Variants in ADAMTS9 observed in about 807,000 individuals in gnomAD.
ADAMTS9 encodes the protein ADAM metallopeptidase with thrombospondin type 1 motif 9.
A neutral mutation model predicts 257.1 loss-of-function variants in ADAMTS9; 107 were observed. The ratio of observed to expected loss-of-function variants is 0.42; its 90% confidence interval spans 0.36 to 0.49. The LOEUF is 0.49. Among genes scored for constraint, ADAMTS9 ranks in the 20% least tolerant of loss-of-function variants. ADAMTS9 has a pLI of 0.03. For synonymous variants in ADAMTS9, 982 were observed against 880.9 expected (o/e 1.11, Z -2.03); for missense variants, 2,353 against 2,469.1 (o/e 0.95, Z 1.00).
intron 38 of ADAMTS9, among the ~76,000 whole-genome samples, chr3:64,528,721 T>G (rs558328374): frequency 1.3e-5 from 2 of 152,350 alleles, no homozygotes; most frequent in South Asian, 4.1e-4. Flanking sequence ...CGTTATAACA[T>G]TAATAGCCAG....
rs1701048900 is a variant in ADAMTS9, at chr3:64,655,612, C to T, written c.1133G>A (p.Gly378Asp). 1.2e-6 allele frequency: 2 copies of T among 1,614,072 alleles called. No homozygotes were observed. Among genetic ancestry groups the T allele is most frequent in the Non-Finnish European group, 1.7e-6 (2 of 1,179,992 alleles). Residue 378 changes from glycine (G) to aspartate (D), a missense_variant, in exon 6 of 40, where the codon GGT (glycine) becomes GAT (aspartate). Around this residue, in one of 3 missense-constraint regions of ADAMTS9, gnomAD observed 591 missense variants for 569.6 expected, o/e 1.04. Coordinates refer to ENST00000498707, the MANE Select transcript of ADAMTS9 (RefSeq NM_182920.2). ...CQWQHSKNSP[G>D]GIHHDTAVLL... is the part of the protein sequence containing the mutation. ...AACAGCAGTATCATGATGGATTCCA[C>T]CTGGACTGTTCTTCGAATGCTGCCA...
intron 23 of ADAMTS9, among the ~76,000 whole-genome samples, chr3:64,606,058 G>GATGAA (rs1261733856): frequency 6.6e-6 from 1 of 152,162 alleles, no homozygotes; most frequent in Admixed American, 6.5e-5. Flanking sequence ...TTAAGGGTAG[G>GATGAA]ATGAAAGTGG....
At position 64,522,158 on chromosome 3, in the gene ADAMTS9, C is replaced by A. The variant is rs1362670555; in HGVS notation, c.*5+8G>T. Reference sequence around the variant, plus strand: ...AATACACAGACAGACAGACATAGGACTACTTACCTTAGCTATAAAACTCGC... The same window carrying A: ...AATACACAGACAGACAGACATAGGAATACTTACCTTAGCTATAAAACTCGC... On this transcript the variant is annotated splice_region_variant and intron_variant, in intron 39 of 39. Coordinates refer to ENST00000498707, the MANE Select transcript of ADAMTS9 (RefSeq NM_182920.2). 1.2e-6 allele frequency: 2 copies of A among 1,611,766 alleles called. No homozygotes were observed. Among genetic ancestry groups the A allele is most frequent in the Non-Finnish European group, 1.7e-6 (2 of 1,178,086 alleles).
At chr3:64,538,817 C>G (rs1349964252) in intron 37 of ADAMTS9, among the ~76,000 whole-genome samples, 1 of 151,944 alleles carries the variant, frequency 6.6e-6, no homozygotes, top group East Asian at 1.9e-4. Context: ...ACAAATGTTA[C>G]AAAGCAGGAC....
rs766188311 is a variant in ADAMTS9, at chr3:64,541,616, C to T, written c.5202G>A (p.Glu1734=). The T allele has an allele frequency of 6.2e-7, 1 of 1,613,300 alleles. No individual in the cohort carries two copies. The highest frequency in any genetic ancestry group is 2.2e-5 in the East Asian group (1 of 44,876). The part of the protein sequence containing the change: ...RKTCRNVYNC[E]LPQNCKEVKR... ...TTACCTCCTTGCAATTCTGGGGTAA[C>T]TCACCTAGAAAACACCAATCACAAA... Residue 1734 remains glutamate (E), a synonymous_variant, in exon 34 of 40, where the codon GAG becomes GAA. Transcript: ENST00000498707.
At chr3:64,672,692 C>T (rs1202318537) in intron 3 of ADAMTS9, among the ~76,000 whole-genome samples, 1 of 152,062 alleles carries the variant, frequency 6.6e-6, no homozygotes, top group African/African-American at 2.4e-5. Context: ...ACAACAACAA[C>T]AACAAAGGTT....
chr3:64,558,054 A>T (rs73832321), intron 30 of ADAMTS9, among the ~76,000 whole-genome samples: 2,739 of 152,246 alleles, frequency 0.018, 75 homozygotes, highest in African/African-American at 0.06. Flanking sequence ...CTAGATCAAG[A>T]ATCTCCTTTT....
chr3:64,681,389 T>A, intron 2 of ADAMTS9, 26 bp from the exon 3 acceptor site: 1 of 1,590,146 alleles, frequency 6.3e-7, no homozygotes, highest in Non-Finnish European at 8.6e-7. Context: ...GATGGGAGGT[T>A]GATTTAACGT....
chr3:64,529,231 C>A (rs1264959297), intron 38 of ADAMTS9, among the ~76,000 whole-genome samples: 1 of 152,154 alleles, frequency 6.6e-6, no homozygotes, highest in East Asian at 1.9e-4. Context: ...CCATTGTTCA[C>A]AAGGAAGTCA....
intron 3 of ADAMTS9, among the ~76,000 whole-genome samples, chr3:64,662,390 C>T (rs1006404258): frequency 5.3e-5 from 8 of 152,014 alleles, no homozygotes; most frequent in African/African-American, 9.7e-5. Context: ...TGTGGGGTAA[C>T]GTGTCCAATA....
intron 10 of ADAMTS9, 85 bp from the exon 11 acceptor site, chr3:64,648,129 G>T: frequency 8.2e-7 from 1 of 1,219,022 alleles, no homozygotes. Flanking sequence ...TTCAACTAAT[G>T]TTTCACCAAT....
chr3:64,596,882 C>A lies in ADAMTS9; in HGVS notation c.4127G>T (p.Arg1376Ile), dbSNP rs2084376661. The change falls in exon 27 of 40, where the codon AGA becomes ATA. Residue 1376 changes from arginine to isoleucine, a missense_variant. Physicochemically the swap from Arg to Ile is moderately conservative, Grantham distance 97 (BLOSUM62 -3). Around this residue, in one of 3 missense-constraint regions of ADAMTS9, gnomAD observed 1,402 missense variants for 1,441.4 expected, o/e 0.97. Transcript: ENST00000498707. ...AGGACAAGGGCCGGATTCACAGGCT[C>A]TTTGCTCATCAGGTTTTATTCTCTC... ...CVERIKPDEQ[R>I]ACESGPCPQW... 6.2e-7 allele frequency: 1 copy of A among 1,614,082 alleles called. No individual in the cohort carries two copies. Among genetic ancestry groups the A allele is most frequent in the South Asian group, 1.1e-5 (1 of 91,084 alleles).
intron 19 of ADAMTS9, 122 bp from the exon 20 acceptor site, chr3:64,616,292 G>A (rs767263398): frequency 9.7e-7 from 1 of 1,028,002 alleles, no homozygotes; most frequent in Non-Finnish European, 1.4e-6. Context: ...ATACCATGAA[G>A]CCCAAAGCCA....
At chr3:64,664,506 G>A (rs532247968) in intron 3 of ADAMTS9, among the ~76,000 whole-genome samples, 1 of 152,074 alleles carries the variant, frequency 6.6e-6, no homozygotes, top group Non-Finnish European at 1.5e-5. Context: ...ATTCTGACAT[G>A]TCATGTAAGT....
At chr3:64,588,196 A>G (rs2084194835) in intron 28 of ADAMTS9, 1 of 152,208 alleles carries the variant, frequency 6.6e-6, no homozygotes. Context: ...GAAGGTACCT[A>G]CCCTAATAGC....
In ADAMTS9 at chr3:64,687,111, T is replaced by C. The variant is rs1020271844; in HGVS notation, c.116-143A>G. 9.9e-7 allele frequency: 1 copy of C among 1,008,670 alleles called. No individual in the cohort carries two copies. The allele number at this position is 1,008,670 out of a possible 1,614,324, so 62.5% of individuals were successfully genotyped here. On this transcript the variant is annotated intron_variant, in intron 1 of 39. Transcript: ENST00000498707. The surrounding 1 kb of genome is among the most constrained non-coding windows in gnomAD (Gnocchi z 4.4). ...TTCACCCTTAATCAGTGGACAAATA[T>C]TTGCTGAGCACCTACTATGTGCCAG... is the stretch of plus-strand genomic sequence containing the variant.
chr3:64,682,679 G>A (rs112035733), intron 2 of ADAMTS9, among the ~76,000 whole-genome samples: 9 of 152,294 alleles, frequency 5.9e-5, no homozygotes, highest in African/African-American at 1.9e-4. Context: ...AGCTGCATCC[G>A]CATCAGCATC....
chr3:64,643,151 G>A (rs756242263), intron 11 of ADAMTS9, among the ~76,000 whole-genome samples: 5 of 152,214 alleles, frequency 3.3e-5, no homozygotes, highest in South Asian at 2.1e-4. Context: ...CATGAAATGC[G>A]CACTGAGGCA....
At chr3:64,631,398 A>G in intron 16 of ADAMTS9, 57 bp downstream of exon 16, 2 of 1,352,044 alleles carry the variant, frequency 1.5e-6, no homozygotes, top group Admixed American at 3.4e-5. Flanking sequence ...AGGAAGCAGT[A>G]TCTGGCCACT....
Sources: gnomAD v4.1 joint callset for allele counts (sites outside exome capture counted in the v4.1 genomes callset) on GRCh38, gnomAD v4.1.1 for gene constraint, gnomAD v4.1.1 regional missense constraint, Gnocchi (gnomAD v3.1) non-coding constraint, MANE v1.5 for transcripts, NCBI Gene and HGNC (gene_info 2026-07-23, HGNC 2026-07-21) for gene names.